Variants in GOLGA5 observed in about 807,000 individuals in gnomAD.
GOLGA5 encodes golgin A5.
A neutral mutation model predicts 93.5 loss-of-function variants in GOLGA5; 50 were observed. That is an observed-to-expected ratio of 0.53 (90% CI 0.43 to 0.68). The LOEUF (loss-of-function observed/expected upper bound fraction) is 0.68. Ranked by LOEUF, GOLGA5 falls within the 30% of genes least tolerant of loss-of-function variation. GOLGA5 has a pLI of 0.00. For synonymous variants in GOLGA5, 312 were observed against 304.5 expected (o/e 1.02, Z -0.26); for missense variants, 760 against 856.4 (o/e 0.89, Z 1.40).
At chr14:92,811,889 C>G (rs1315874551) in intron 6 of GOLGA5, 135 bp downstream of exon 6, 2 of 661,596 alleles carry the variant, frequency 3.0e-6, no homozygotes, top group Non-Finnish European at 5.3e-6. Context: ...CCTTACTCTA[C>G]TTTAGAAATT....
chr14:92,794,739 CTCGCTTACCTG>C (rs1884682572), intron 1 of GOLGA5, among the ~76,000 whole-genome samples: 1 of 152,146 alleles, frequency 6.6e-6, no homozygotes, highest in Admixed American at 6.5e-5. Context: ...GGGGTCTCTG[CTCGCTTACCTG>C]AGATTCCCCA....
chr14:92,819,599 C>T, intron 7 of GOLGA5, 109 bp from the exon 8 acceptor site: 1 of 1,026,002 alleles, frequency 9.7e-7, no homozygotes, highest in African/African-American at 1.6e-5. Flanking sequence ...TGCCACTGCA[C>T]TCCAGCCTGG....
chr14:92,821,686 T>G (rs1885320005), intron 8 of GOLGA5, among the ~76,000 whole-genome samples: 1 of 152,224 alleles, frequency 6.6e-6, no homozygotes, highest in African/African-American at 2.4e-5. Context: ...CTTCTGAAAC[T>G]TGTTCTTTTC....
At position 92,829,663 on chromosome 14, in the gene GOLGA5, G is replaced by A. The variant is rs574515591; in HGVS notation, c.1720-3459G>A. On this transcript the variant is annotated intron_variant, in intron 9 of 12. Coordinates refer to ENST00000163416, the MANE Select transcript of GOLGA5 (RefSeq NM_005113.4). ...ATTTCTTAAGATGGAATCCACTTTT[G>A]GTGAAGATGCTGTGAACATTGTTGA... 3.9e-5 allele frequency among the ~76,000 whole-genome samples: 6 copies of A among 152,286 alleles called. No individual in the cohort carries two copies. In the East Asian group the frequency reaches 9.6e-4, roughly 24 times the overall value.
At chr14:92,807,328 AAATAATAAACT>A (rs1214131808) in intron 3 of GOLGA5, among the ~76,000 whole-genome samples, 4 of 152,182 alleles carry the variant, frequency 2.6e-5, no homozygotes, top group African/African-American at 2.4e-5. Context: ...AAATAAAATA[AAATAATAAACT>A]TAAAAACTTT....
intron 9 of GOLGA5, among the ~76,000 whole-genome samples, chr14:92,825,295 C>T (rs1566959307): frequency 6.6e-6 from 1 of 152,082 alleles, no homozygotes; most frequent in Non-Finnish European, 1.5e-5. Flanking sequence ...TAATTTTGGT[C>T]TTTTAAGTTT....
intron 6 of GOLGA5, among the ~76,000 whole-genome samples, chr14:92,815,068 CCT>C (rs1232586467): frequency 1.3e-5 from 2 of 152,140 alleles, no homozygotes; most frequent in Non-Finnish European, 2.9e-5. Context: ...TCATGTCACT[CCT>C]CTCTCTACTT....
chr14:92,839,309 G>A, intron 12 of GOLGA5, 57 bp from the exon 13 acceptor site: 1 of 1,067,770 alleles, frequency 9.4e-7, no homozygotes, highest in Admixed American at 1.7e-5. Context: ...TGTACAGTGG[G>A]CCTTTGGTAA....
Position 92,819,712 on chromosome 14 carries a change from T to C in GOLGA5, c.1496T>C (p.Met499Thr). 4.3e-6 allele frequency: 7 copies of C among 1,613,460 alleles called. No individual in the cohort carries two copies. Among genetic ancestry groups the C allele is most frequent in the Non-Finnish European group, 5.9e-6 (7 of 1,179,400 alleles). The change falls in exon 8 of 13, where the codon ATG becomes ACG. Residue 499 changes from methionine to threonine, a missense_variant. Met to Thr is a moderately conservative substitution (Grantham distance 81, BLOSUM62 -1). Coordinates refer to ENST00000163416, the MANE Select transcript of GOLGA5 (RefSeq NM_005113.4). Reference sequence around the variant, plus strand: ...ATGTAAGCTTTTTCTCTTTAGGATATGGAGGCACAGCAAGTTAATGAAGCA... The same window carrying C: ...ATGTAAGCTTTTTCTCTTTAGGATACGGAGGCACAGCAAGTTAATGAAGCA... ...IHQLRSELQD[M>T]EAQQVNEAES... is the part of the protein sequence containing the mutation.
At chr14:92,821,974 A>G (rs958895763) in intron 8 of GOLGA5, among the ~76,000 whole-genome samples, 7 of 152,234 alleles carry the variant, frequency 4.6e-5, no homozygotes, top group Non-Finnish European at 8.8e-5. Flanking sequence ...TGCCTTTTTA[A>G]AATGAGGGAG....
At chr14:92,809,161 C>A in intron 3 of GOLGA5, 139 bp from the exon 4 acceptor site, 1 of 614,906 alleles carries the variant, frequency 1.6e-6, no homozygotes, top group Non-Finnish European at 2.9e-6. Context: ...CCCTTTGGGG[C>A]AAAGAAAATT....
intron 6 of GOLGA5, 66 bp from the exon 7 acceptor site, chr14:92,816,185 G>C: frequency 9.7e-7 from 1 of 1,033,142 alleles, no homozygotes; most frequent in South Asian, 1.4e-5. Flanking sequence ...TTTCTGTATA[G>C]TAGATGATAT....
chr14:92,806,146 C>T (rs1884980779), intron 2 of GOLGA5, among the ~76,000 whole-genome samples: 1 of 152,056 alleles, frequency 6.6e-6, no homozygotes, highest in Admixed American at 6.6e-5. Flanking sequence ...CCCATTTTAC[C>T]TGAACCCAAC....
At chr14:92,810,558 T>G in intron 5 of GOLGA5, 181 bp downstream of exon 5, 1 of 413,760 alleles carries the variant, frequency 2.4e-6, no homozygotes, top group Non-Finnish European at 4.3e-6. Flanking sequence ...TGTATTTAAT[T>G]TTATGTGTTG....
At chr14:92,818,607 C>T (rs117836936) in intron 7 of GOLGA5, among the ~76,000 whole-genome samples, 1 of 152,262 alleles carries the variant, frequency 6.6e-6, no homozygotes, top group Non-Finnish European at 1.5e-5. Flanking sequence ...ATTGCTTTTT[C>T]CTCTAAATCT....
chr14:92,822,688 G>A (rs73329557), intron 8 of GOLGA5, among the ~76,000 whole-genome samples: 12,196 of 152,086 alleles, frequency 0.08, 1,677 homozygotes, highest in African/African-American at 0.28. Context: ...ACGGAGTGTC[G>A]CTCTGTTGCC....
At chr14:92,827,782 TACG>T (rs1223715588) in intron 9 of GOLGA5, among the ~76,000 whole-genome samples, 2 of 152,204 alleles carry the variant, frequency 1.3e-5, no homozygotes, top group Non-Finnish European at 2.9e-5. Flanking sequence ...CTAGTGAACA[TACG>T]AATGATAAGA....
intron 10 of GOLGA5, among the ~76,000 whole-genome samples, chr14:92,834,880 A>G (rs574148683): frequency 1.3e-5 from 2 of 152,350 alleles, no homozygotes; most frequent in Admixed American, 6.5e-5. Context: ...GCATTAATCC[A>G]TGTGAGAGAT....
intron 12 of GOLGA5, among the ~76,000 whole-genome samples, chr14:92,838,516 C>T (rs539369796): frequency 2.6e-5 from 4 of 152,102 alleles, no homozygotes; most frequent in Non-Finnish European, 4.4e-5. Flanking sequence ...TACAGGCGCA[C>T]GCCACTGCAC....
Sources: gnomAD v4.1 joint callset for allele counts (sites outside exome capture counted in the v4.1 genomes callset) on GRCh38, gnomAD v4.1.1 for gene constraint, MANE v1.5 for transcripts, NCBI Gene and HGNC (gene_info 2026-07-23, HGNC 2026-07-21) for gene names.